TRAPPC9: variants seen among roughly 807,000 people sequenced by gnomAD.
TRAPPC9 encodes the protein trafficking protein particle complex subunit 9, also known as IKK2 binding protein.
TRAPPC9 carries 83 observed loss-of-function variants against 124.0 expected under a neutral mutation model. The ratio of observed to expected loss-of-function variants is 0.67; its 90% CI spans 0.56 to 0.80. The LOEUF is 0.80. TRAPPC9 is among the 30% of genes least tolerant of loss of function. The probability of loss-of-function intolerance (pLI) is 0.00; values close to 1 mark genes in which losing one functional copy is unlikely to be tolerated. For synonymous variants in TRAPPC9, 638 were observed against 617.5 expected (o/e 1.03, Z -0.49); for missense variants, 1,302 against 1,508.3 (o/e 0.86, Z 2.27).
At chr8:139,946,154 C>A (rs942104899) in intron 19 of TRAPPC9, among the ~76,000 whole-genome samples, 1 of 152,200 alleles carries the variant, frequency 6.6e-6, no homozygotes, top group Admixed American at 6.5e-5. Flanking sequence ...CAACCCCCAC[C>A]CCTTTTAAGG....
At chr8:140,218,712 C>A (rs571803114) in intron 17 of TRAPPC9, among the ~76,000 whole-genome samples, 67 of 152,208 alleles carry the variant, frequency 4.4e-4, no homozygotes, top group Non-Finnish European at 4.0e-4. Context: ...GTAATCCCAG[C>A]ACTTTGGGAG....
chr8:139,768,409 C>T (rs531179399), intron 21 of TRAPPC9, among the ~76,000 whole-genome samples: 6 of 152,314 alleles, frequency 3.9e-5, no homozygotes, highest in African/African-American at 1.4e-4. Context: ...GTTTTGCCAC[C>T]CACCAGTGGT....
At position 140,353,108 on chromosome 8, in the gene TRAPPC9, A is replaced by G. The variant is rs909376486; in HGVS notation, c.1495+6942T>C. 2.0e-4 allele frequency among the ~76,000 whole-genome samples: 30 copies of G among 152,216 alleles called. No individual in the cohort carries two copies. The highest frequency in any genetic ancestry group is 7.2e-4 in the African/African-American group (30 of 41,460). Reference sequence around the variant, plus strand: ...GGCCTCCAGAAAGACACTGGACCACAGTAGAAGAGGTAAACCAAAAGACTT... The same window carrying G: ...GGCCTCCAGAAAGACACTGGACCACGGTAGAAGAGGTAAACCAAAAGACTT... On this transcript the variant is annotated intron_variant, in intron 9 of 22. Coordinates refer to ENST00000438773, the MANE Select transcript of TRAPPC9 (RefSeq NM_001160372.4). The surrounding 1 kb of genome is among the most constrained non-coding windows in gnomAD (Gnocchi z 4.2).
rs187631177 is a variant in TRAPPC9 at position 140,216,978 on chromosome 8, G to A, written c.2556+4481C>T. ...CATCACACGGCACGCTGCTTAACACGGTCCTCAGTGGACAAGGCTGAGTTA... is the reference window on the plus strand; with the variant it reads ...CATCACACGGCACGCTGCTTAACACAGTCCTCAGTGGACAAGGCTGAGTTA... On this transcript the variant is annotated intron_variant, in intron 17 of 22. Coordinates refer to ENST00000438773, the MANE Select transcript of TRAPPC9 (RefSeq NM_001160372.4). This position sits in a 1 kb window ranked among gnomAD's most constrained non-coding sequence, Gnocchi z 4.1. 2.6e-5 allele frequency among the ~76,000 whole-genome samples: 4 copies of A among 152,242 alleles called. No homozygotes were observed. The East Asian group carries it at 7.7e-4, about 29-fold the overall frequency.
chr8:140,291,156 C>A, intron 11 of TRAPPC9, 78 bp from the exon 12 acceptor site: 1 of 1,329,362 alleles, frequency 7.5e-7, no homozygotes, highest in Non-Finnish European at 1.1e-6. Flanking sequence ...CCAATTATTC[C>A]TCTGGCAATT....
At chr8:140,037,747 A>C (rs937894905) in intron 17 of TRAPPC9, among the ~76,000 whole-genome samples, 2 of 149,484 alleles carry the variant, frequency 1.3e-5, no homozygotes, top group Non-Finnish European at 3.0e-5. Context: ...CCACACACAC[A>C]CACCCCACAC....
intron 15 of TRAPPC9, among the ~76,000 whole-genome samples, chr8:140,270,877 G>A (rs768759917): frequency 4.6e-5 from 7 of 152,250 alleles, no homozygotes; most frequent in Non-Finnish European, 1.0e-4. Context: ...CAGAGGCTGG[G>A]CCACACAGGG....
chr8:140,402,193 C>T (rs1303632000), intron 6 of TRAPPC9, among the ~76,000 whole-genome samples: 1 of 151,532 alleles, frequency 6.6e-6, no homozygotes, highest in Non-Finnish European at 1.5e-5. Flanking sequence ...ATGGACAGAC[C>T]CTGTCATTAC....
intron 9 of TRAPPC9, among the ~76,000 whole-genome samples, chr8:140,334,351 A>G (rs2132020453): frequency 6.6e-6 from 1 of 151,710 alleles, no homozygotes; most frequent in African/African-American, 2.4e-5. Flanking sequence ...GGCAATGTGA[A>G]ATTAAATCAG....
At chr8:140,170,009 A>T (rs1447066841) in intron 17 of TRAPPC9, among the ~76,000 whole-genome samples, 2 of 152,222 alleles carry the variant, frequency 1.3e-5, no homozygotes, top group Non-Finnish European at 2.9e-5. Context: ...AAGTGCTGGG[A>T]CTACAGGTGT....
At chr8:140,034,119 T>G (rs1410124616) in intron 17 of TRAPPC9, among the ~76,000 whole-genome samples, 1 of 152,234 alleles carries the variant, frequency 6.6e-6, no homozygotes, top group Non-Finnish European at 1.5e-5. Flanking sequence ...TTGCAAGAAT[T>G]AATTTTTGGC....
rs78298310 is a variant in TRAPPC9 at position 140,113,321 on chromosome 8, G to A, written c.2557-89242C>T. 4.6e-3 allele frequency among the ~76,000 whole-genome samples: 707 copies of A among 152,352 alleles called. 3 individuals carry two copies. Among genetic ancestry groups the A allele is most frequent in the African/African-American group, 0.016 (674 of 41,584 alleles). On this transcript the variant is annotated intron_variant, in intron 17 of 22. Transcript: ENST00000438773. The stretch of plus-strand genomic sequence containing the variant: ...TGAAGCCCGCTCTCAAACTCATAGC[G>A]GCAGGGACGGTATTTCCAGCAGGAC...
intron 6 of TRAPPC9, among the ~76,000 whole-genome samples, chr8:140,404,627 A>G (rs988295837): frequency 6.6e-5 from 10 of 152,240 alleles, no homozygotes; most frequent in Non-Finnish European, 1.3e-4. Context: ...CAAGTGCAGA[A>G]TAACATACTA....
At chr8:139,951,642 A>G (rs1233102311) in intron 19 of TRAPPC9, among the ~76,000 whole-genome samples, 1 of 152,214 alleles carries the variant, frequency 6.6e-6, no homozygotes, top group African/African-American at 2.4e-5. Context: ...CAAGCTGCAG[A>G]GTTAGAGGCT....
intron 18 of TRAPPC9, among the ~76,000 whole-genome samples, chr8:140,017,768 G>A (rs1304555969): frequency 3.9e-5 from 6 of 152,006 alleles, no homozygotes; most frequent in Admixed American, 2.0e-4. Context: ...GATTTTGACC[G>A]AATTGCATTC....
chr8:140,033,443 C>T (rs1424456691), intron 17 of TRAPPC9, among the ~76,000 whole-genome samples: 2 of 151,564 alleles, frequency 1.3e-5, no homozygotes, highest in East Asian at 1.9e-4. Context: ...ACACCTAGAA[C>T]GTCTGGAAGA....
At chr8:139,942,957 AG>A (rs1834002885) in intron 19 of TRAPPC9, among the ~76,000 whole-genome samples, 2 of 152,256 alleles carry the variant, frequency 1.3e-5, no homozygotes, top group African/African-American at 4.8e-5. Context: ...GAATCTGCCC[AG>A]AGCTTTGGCT....
chr8:139,986,145 A>G (rs1277617883), intron 19 of TRAPPC9, among the ~76,000 whole-genome samples: 1 of 152,234 alleles, frequency 6.6e-6, no homozygotes, highest in Non-Finnish European at 1.5e-5. Context: ...CAGGAGGCTG[A>G]GGCAGGAGAA....
At position 139,834,391 on chromosome 8, in the gene TRAPPC9, C is replaced by T. The variant is rs559762634; in HGVS notation, c.3055+51488G>A. ...GTCGGGAGCAGTGAGTCTGACATTCCTAATGACCTAGGACAATGACGTGTG... is the reference window on the plus strand; with the variant it reads ...GTCGGGAGCAGTGAGTCTGACATTCTTAATGACCTAGGACAATGACGTGTG... On this transcript the variant is annotated intron_variant, in intron 21 of 22. Coordinates refer to ENST00000438773, the MANE Select transcript of TRAPPC9 (RefSeq NM_001160372.4). 1.2e-4 allele frequency among the ~76,000 whole-genome samples: 18 copies of T among 152,336 alleles called. No homozygotes were observed. In the East Asian group the frequency reaches 2.7e-3, roughly 23 times the overall value.
Sources: allele counts gnomAD v4.1 joint callset (sites outside exome capture counted in the v4.1 genomes callset), GRCh38; gene constraint gnomAD v4.1.1; non-coding constraint Gnocchi (gnomAD v3.1); transcripts MANE v1.5; gene names NCBI Gene and HGNC (gene_info 2026-07-23, HGNC 2026-07-21).